The following CTNNA3 variants were observed in gnomAD, a reference collection of about 807,000 sequenced individuals.
CTNNA3 encodes the protein catenin alpha-3.
In CTNNA3, 76 loss-of-function variants were observed where a neutral mutation model predicts 95.7. The ratio of observed to expected loss-of-function variants is 0.79; its 90% CI spans 0.66 to 0.96. The LOEUF (loss-of-function observed/expected upper bound fraction) is 0.96. Among genes scored for constraint, CTNNA3 ranks in the 40% least tolerant of loss-of-function variants. The pLI is 0.00. For synonymous variants in CTNNA3, 431 were observed against 374.4 expected, an observed-to-expected ratio of 1.15 and a Z score of -1.74; for missense variants, 1,191 against 1,089.8, an observed-to-expected ratio of 1.09 and a Z score of -1.31.
At chr10:66,215,030 T>C (rs1289925321) in intron 13 of CTNNA3, among the ~76,000 whole-genome samples, 1 of 151,900 alleles carries the variant, frequency 6.6e-6, no homozygotes, top group Non-Finnish European at 1.5e-5. Context: ...CAGAAATTTC[T>C]GTTATTGTGA....
chr10:67,665,334 ATAGTC>A (rs1249764692), intron 1 of CTNNA3, among the ~76,000 whole-genome samples: 3 of 152,350 alleles, frequency 2.0e-5, no homozygotes, highest in South Asian at 2.1e-4. Flanking sequence ...CTTTCATAAA[ATAGTC>A]TAGAGTTTAG....
intron 6 of CTNNA3, among the ~76,000 whole-genome samples, chr10:67,188,111 G>C (rs2132164876): frequency 6.6e-6 from 1 of 152,330 alleles, no homozygotes; most frequent in South Asian, 2.1e-4. Flanking sequence ...ACTACAATGT[G>C]GATGTGTTGT....
intron 7 of CTNNA3, among the ~76,000 whole-genome samples, chr10:66,994,116 T>A (rs1178138743): frequency 6.6e-6 from 1 of 152,152 alleles, no homozygotes; most frequent in Non-Finnish European, 1.5e-5. Context: ...ATAAGTAGCA[T>A]TCATGTAGTA....
intron 1 of CTNNA3, among the ~76,000 whole-genome samples, chr10:67,749,994 C>T (rs1413580269): frequency 6.6e-6 from 1 of 152,182 alleles, no homozygotes; most frequent in African/African-American, 2.4e-5. Flanking sequence ...CTGCTGCTCA[C>T]TCTTTCAGTC....
chr10:67,607,136 G>T, intron 2 of CTNNA3, 87 bp from the exon 3 acceptor site: 1 of 1,088,886 alleles, frequency 9.2e-7, no homozygotes, highest in Non-Finnish European at 1.3e-6. Context: ...ACAAAAGACA[G>T]TACAGTTGAC....
At chr10:66,604,392 C>A (rs573210063) in intron 10 of CTNNA3, among the ~76,000 whole-genome samples, 8 of 152,284 alleles carry the variant, frequency 5.3e-5, no homozygotes, top group African/African-American at 1.4e-4. Flanking sequence ...TGGTGAATGT[C>A]CGCATGGAGG....
intron 7 of CTNNA3, among the ~76,000 whole-genome samples, chr10:67,146,107 C>T (rs1378608842): frequency 6.6e-6 from 1 of 152,192 alleles, no homozygotes; most frequent in Non-Finnish European, 1.5e-5. Context: ...CCTCCACACA[C>T]ACACACTCAT....
chr10:67,315,846 T>G (rs1444019018), intron 5 of CTNNA3, among the ~76,000 whole-genome samples: 1 of 152,152 alleles, frequency 6.6e-6, no homozygotes, highest in African/African-American at 2.4e-5. Context: ...AAATCACTAG[T>G]GATTGCACTG....
chr10:67,511,290 G>C (rs567143306), intron 5 of CTNNA3, among the ~76,000 whole-genome samples: 1 of 152,304 alleles, frequency 6.6e-6, no homozygotes, highest in African/African-American at 2.4e-5. Context: ...AGGAATGAAT[G>C]CTTCCAGTTT....
intron 9 of CTNNA3, among the ~76,000 whole-genome samples, chr10:66,632,047 T>C (rs1368571449): frequency 6.6e-6 from 1 of 152,108 alleles, no homozygotes; most frequent in East Asian, 1.9e-4. Flanking sequence ...TGCATATCTA[T>C]AGATGTATTA....
intron 7 of CTNNA3, among the ~76,000 whole-genome samples, chr10:66,939,253 CTCCTT>C (rs1292100357): frequency 1.3e-5 from 2 of 152,182 alleles, no homozygotes; most frequent in African/African-American, 4.8e-5. Context: ...TTCTGAGTCT[CTCCTT>C]TCCTCCCTTC....
chr10:67,186,318 A>T (rs1862847178), intron 6 of CTNNA3, among the ~76,000 whole-genome samples: 1 of 152,196 alleles, frequency 6.6e-6, no homozygotes, highest in Non-Finnish European at 1.5e-5. Context: ...GTTAGTAAAT[A>T]GCCTATATTG....
intron 12 of CTNNA3, among the ~76,000 whole-genome samples, chr10:66,297,585 T>C (rs1054282777): frequency 6.6e-6 from 1 of 152,112 alleles, no homozygotes; most frequent in East Asian, 1.9e-4. Flanking sequence ...ATTTATAGAG[T>C]CTCAAATATG....
At chr10:66,387,716 C>T (rs1184851165) in intron 11 of CTNNA3, among the ~76,000 whole-genome samples, 1 of 152,110 alleles carries the variant, frequency 6.6e-6, no homozygotes, top group Admixed American at 6.6e-5. Flanking sequence ...CAATGATAGA[C>T]TGGATTAAGA....
At chr10:66,447,166 A>G (rs952950069) in intron 11 of CTNNA3, among the ~76,000 whole-genome samples, 1 of 152,086 alleles carries the variant, frequency 6.6e-6, no homozygotes, top group Non-Finnish European at 1.5e-5. Flanking sequence ...CTGCTCAATG[A>G]AATAAAAGAG....
At chr10:67,268,560 G>A (rs554521366) in intron 5 of CTNNA3, among the ~76,000 whole-genome samples, 1 of 151,766 alleles carries the variant, frequency 6.6e-6, no homozygotes, top group Admixed American at 6.6e-5. Flanking sequence ...GGCCTTTTTT[G>A]TTTTTCAAAA....
chr10:67,478,709 A>G (rs941261133), intron 5 of CTNNA3, among the ~76,000 whole-genome samples: 4 of 152,168 alleles, frequency 2.6e-5, no homozygotes, highest in Admixed American at 2.6e-4. Context: ...GAACCCATAA[A>G]GCAATCACAC....
chr10:66,532,318 C>T (rs1215185636), intron 10 of CTNNA3, among the ~76,000 whole-genome samples: 2 of 151,920 alleles, frequency 1.3e-5, no homozygotes, highest in Non-Finnish European at 2.9e-5. Context: ...AAAAATTAGC[C>T]GGGCGTGGTG....
intron 7 of CTNNA3, among the ~76,000 whole-genome samples, chr10:67,132,399 A>G (rs1388883153): frequency 6.6e-6 from 1 of 152,094 alleles, no homozygotes; most frequent in Non-Finnish European, 1.5e-5. Context: ...CTGGACAACT[A>G]TAAAACCTGG....
Sources: allele counts gnomAD v4.1 joint callset (sites outside exome capture counted in the v4.1 genomes callset), GRCh38; gene constraint gnomAD v4.1.1; transcripts MANE v1.5; gene names NCBI Gene and HGNC (gene_info 2026-07-23, HGNC 2026-07-21).